Variants in GRAP2 observed in about 807,000 individuals in gnomAD.
The protein encoded by GRAP2 is GRB2-related adapter protein 2.
A neutral mutation model predicts 43.5 loss-of-function variants in GRAP2; 31 were observed. That is an observed-to-expected ratio of 0.71 (90% confidence interval 0.54 to 0.96). The LOEUF (loss-of-function observed/expected upper bound fraction) is 0.96, where lower values mean the gene tolerates loss of function less well. Among genes scored for constraint, GRAP2 ranks in the 40% least tolerant of loss-of-function variants. GRAP2 has a pLI of 0.00. For missense variants in GRAP2, 371 were observed against 424.4 expected (o/e 0.87, Z 1.11); for synonymous variants, 156 against 164.8 (o/e 0.95, Z 0.41).
At chr22:39,966,951 AC>A (rs2067180764) in intron 5 of GRAP2, among the ~76,000 whole-genome samples, 1 of 151,888 alleles carries the variant, frequency 6.6e-6, no homozygotes, top group Admixed American at 6.6e-5. Context: ...AACACTAAGA[AC>A]ATGTTAACTT....
At chr22:39,898,300 T>G (rs1301647483), upstream of GRAP2, among the ~76,000 whole-genome samples, 4 of 152,216 alleles carry the variant, frequency 2.6e-5, no homozygotes, top group Non-Finnish European at 4.4e-5. Context: ...CCATCTGATG[T>G]ACCTTCTGTT....
Position 39,973,182 on chromosome 22 carries a change from C to A in GRAP2, c.*2098C>A, listed in dbSNP as rs1281223437. 3 of 152,226 alleles carry A rather than the reference C, an allele frequency of 2.0e-5. No homozygotes were observed. The highest frequency in any genetic ancestry group is 4.4e-5 in the Non-Finnish European group (3 of 68,044). The allele number at this position is 152,226 out of a possible 1,614,324, so 9.4% of individuals were successfully genotyped here. On this transcript the variant is annotated 3_prime_UTR_variant, in exon 8 of 8. Coordinates refer to ENST00000344138, the MANE Select transcript of GRAP2 (RefSeq NM_004810.4). Reference sequence around the variant, plus strand: ...GTTTGATTTTACAGTATTTACAAACCATATGCTTTAAACAGCCCACAAACT... The same window carrying A: ...GTTTGATTTTACAGTATTTACAAACAATATGCTTTAAACAGCCCACAAACT...
intron 1 of GRAP2, among the ~76,000 whole-genome samples, chr22:39,923,555 A>G (rs1444125463): frequency 6.6e-6 from 1 of 152,194 alleles, no homozygotes. Context: ...TTCTGAAGCC[A>G]GGGATTTTGT....
chr22:39,914,150 C>T (rs2066586700), intron 1 of GRAP2, among the ~76,000 whole-genome samples: 1 of 152,096 alleles, frequency 6.6e-6, no homozygotes. Context: ...TAAATAAAAG[C>T]TGTGTGCAGA....
chr22:39,931,681 C>A (rs573502844), intron 1 of GRAP2, among the ~76,000 whole-genome samples: 1 of 151,996 alleles, frequency 6.6e-6, no homozygotes, highest in Non-Finnish European at 1.5e-5. Flanking sequence ...AAGTAGATGG[C>A]GAATTTGAGA....
chr22:39,907,391 C>G (rs2066530618), intron 1 of GRAP2, among the ~76,000 whole-genome samples: 1 of 152,206 alleles, frequency 6.6e-6, no homozygotes, highest in Non-Finnish European at 1.5e-5. Flanking sequence ...CACCTGGTGT[C>G]CACCCATATA....
Position 39,923,292 on chromosome 22 carries a change from G to A in GRAP2, c.-15+21962G>A, listed in dbSNP as rs1002363347. Among the ~76,000 whole-genome samples, 8 of 152,158 alleles carry A rather than the reference G, an allele frequency of 5.3e-5. No individual in the cohort carries two copies. In the East Asian group the frequency reaches 1.5e-3, roughly 29 times the overall value. ...GTTCTGCTGAAGGTCAGTAGGGAAG[G>A]CCAACTTCATGTGCAAAGAGCAATA... On this transcript the variant is annotated intron_variant, in intron 1 of 7. Transcript: ENST00000344138.
intron 2 of GRAP2, among the ~76,000 whole-genome samples, chr22:39,949,510 T>C (rs1183843062): frequency 6.6e-6 from 1 of 152,168 alleles, no homozygotes; most frequent in Non-Finnish European, 1.5e-5. Flanking sequence ...TAAACTCTGC[T>C]CTGAATGTAT....
At chr22:39,968,302 A>G in intron 6 of GRAP2, 30 bp downstream of exon 6, 7 of 1,603,872 alleles carry the variant, frequency 4.4e-6, no homozygotes, top group Middle Eastern at 3.3e-4. Context: ...TGGGCACAGT[A>G]CGGTGGAAAG....
chr22:39,921,364 T>G (rs2066650268), intron 1 of GRAP2, among the ~76,000 whole-genome samples: 1 of 152,248 alleles, frequency 6.6e-6, no homozygotes, highest in Admixed American at 6.5e-5. Context: ...TTAGATTGAT[T>G]GATGACATAA....
At chr22:39,969,382 G>A (rs760687832) in intron 6 of GRAP2, 29 bp from the exon 7 acceptor site, 1 of 1,612,778 alleles carries the variant, frequency 6.2e-7, no homozygotes, top group Admixed American at 1.7e-5. Flanking sequence ...TGGCAGTGGG[G>A]TGACCAGTCT....
At chr22:39,943,768 G>A (rs565249943) in intron 1 of GRAP2, among the ~76,000 whole-genome samples, 11 of 148,934 alleles carry the variant, frequency 7.4e-5, no homozygotes, top group African/African-American at 2.5e-4. Context: ...TCGCTAGACT[G>A]GAGTGCAGTG....
At chr22:39,907,486 AT>A (rs1431759657) in intron 1 of GRAP2, among the ~76,000 whole-genome samples, 2 of 152,182 alleles carry the variant, frequency 1.3e-5, no homozygotes, top group Non-Finnish European at 2.9e-5. Context: ...GTACAGGCTC[AT>A]TGACTTTGGG....
chr22:39,938,176 A>G (rs965928634), intron 1 of GRAP2, among the ~76,000 whole-genome samples: 1 of 152,050 alleles, frequency 6.6e-6, no homozygotes, highest in Non-Finnish European at 1.5e-5. Flanking sequence ...CCCTCCCTTC[A>G]CTACCCCTCC....
intron 1 of GRAP2, among the ~76,000 whole-genome samples, chr22:39,946,238 A>G (rs571824798): frequency 1.3e-5 from 2 of 152,338 alleles, no homozygotes; most frequent in East Asian, 3.9e-4. Flanking sequence ...GAGGAAATGG[A>G]GACTCCAAGG....
chr22:39,936,719 G>C (rs138379679), intron 1 of GRAP2, among the ~76,000 whole-genome samples: 9 of 152,092 alleles, frequency 5.9e-5, no homozygotes, highest in South Asian at 4.2e-4. Context: ...ACAGGGTGGT[G>C]GGGGGGACCG....
the GRAP2 span, chr22:39,893,852 T>C: frequency 6.6e-6 from 1 of 152,286 alleles, no homozygotes; most frequent in Admixed American, 6.5e-5. Flanking sequence ...GCAAGATGGT[T>C]GCAGATACCT....
chr22:39,933,447 T>A (rs887161359), intron 1 of GRAP2, among the ~76,000 whole-genome samples: 1 of 152,192 alleles, frequency 6.6e-6, no homozygotes, highest in South Asian at 2.1e-4. Context: ...GAAAGATTGT[T>A]GAAGGCCTGA....
chr22:39,957,572 T>C (rs2067070308), intron 3 of GRAP2, among the ~76,000 whole-genome samples: 1 of 152,142 alleles, frequency 6.6e-6, no homozygotes. Context: ...TGCTGGATCA[T>C]TCCTGTCAGC....
Sources: gnomAD v4.1 joint callset for allele counts (sites outside exome capture counted in the v4.1 genomes callset) on GRCh38, gnomAD v4.1.1 for gene constraint, MANE v1.5 for transcripts, NCBI Gene and HGNC (gene_info 2026-07-23, HGNC 2026-07-21) for gene names.